WWP2: variants seen among roughly 807,000 people sequenced by gnomAD.
WWP2 encodes NEDD4-like E3 ubiquitin-protein ligase WWP2.
In WWP2, 57 loss-of-function variants were observed where a neutral mutation model predicts 121.0. That is an observed-to-expected ratio of 0.47 (90% CI 0.38 to 0.59). The LOEUF is 0.59. WWP2 is among the 20% of genes least tolerant of loss of function. WWP2 has a pLI of 0.00. For missense variants in WWP2, 962 were observed against 1,158.9 expected (o/e 0.83, Z 2.47); for synonymous variants, 449 against 441.3 (o/e 1.02, Z -0.22).
intron 4 of WWP2, among the ~76,000 whole-genome samples, chr16:69,800,403 C>T (rs1180273250): frequency 1.3e-5 from 2 of 152,162 alleles, no homozygotes; most frequent in East Asian, 1.9e-4. Flanking sequence ...GATAGCCTCA[C>T]ATTAGGATGC....
chr16:69,921,556 G>A (rs1428746308), intron 10 of WWP2, among the ~76,000 whole-genome samples: 50 of 152,136 alleles, frequency 3.3e-4, no homozygotes, highest in Non-Finnish European at 8.8e-5. Flanking sequence ...TAGTTTTTCT[G>A]CCATGTTTCC....
intron 8 of WWP2, among the ~76,000 whole-genome samples, chr16:69,896,660 T>C (rs1036870037): frequency 6.6e-6 from 1 of 151,772 alleles, no homozygotes; most frequent in African/African-American, 2.4e-5. Flanking sequence ...GAACAGTACA[T>C]AATAACAACA....
rs1339643461 is a variant in WWP2 at position 69,941,661 on chromosome 16, T to G, written c.*1721T>G. 3 of 153,802 alleles carry G rather than the reference T, an allele frequency of 2.0e-5. No homozygotes were observed. The highest frequency in any genetic ancestry group is 4.4e-5 in the Non-Finnish European group (3 of 68,062). The allele number at this position is 153,802 out of a possible 1,614,324, so 9.5% of individuals were successfully genotyped here. A position where few individuals can be genotyped will look rare whatever the true frequency, so the allele number is the denominator to read the frequency against. ...GGAATGCCCTTTGCTAGCCATGGGC[T>G]GGTCACCAGATTGTTTTGTAATGCC... is the stretch of plus-strand genomic sequence containing the variant. On this transcript the variant is annotated 3_prime_UTR_variant, in exon 24 of 24. Coordinates refer to ENST00000359154, the MANE Select transcript of WWP2 (RefSeq NM_001270454.2).
chr16:69,792,764 T>C (rs1034301248), intron 2 of WWP2, among the ~76,000 whole-genome samples: 8 of 152,182 alleles, frequency 5.3e-5, no homozygotes, highest in Admixed American at 4.6e-4. Flanking sequence ...CAATTACAGC[T>C]CACTACAGCC....
chr16:69,796,615 G>C (rs952874527), intron 2 of WWP2, among the ~76,000 whole-genome samples: 1 of 152,222 alleles, frequency 6.6e-6, no homozygotes, highest in South Asian at 2.1e-4. Flanking sequence ...CCCCTGTAAA[G>C]TCAAACGTCC....
At chr16:69,934,909 C>T (rs1404473374) in intron 17 of WWP2, among the ~76,000 whole-genome samples, 3 of 152,170 alleles carry the variant, frequency 2.0e-5, no homozygotes, top group South Asian at 2.1e-4. Context: ...GTTCACGCCA[C>T]GCTGCCTCCT....
At chr16:69,863,539 C>T (rs568136472) in intron 6 of WWP2, among the ~76,000 whole-genome samples, 207 of 152,050 alleles carry the variant, frequency 1.4e-3, no homozygotes, top group African/African-American at 4.8e-3. Flanking sequence ...CAAGGGAGGC[C>T]GAGGCAGGAG....
intron 8 of WWP2, among the ~76,000 whole-genome samples, chr16:69,897,102 T>TG (rs1567414864): frequency 6.6e-6 from 1 of 151,996 alleles, no homozygotes; most frequent in Non-Finnish European, 1.5e-5. Flanking sequence ...GTCTTTTTTT[T>TG]TTTGTTTGTG....
At chr16:69,763,106 C>T (rs2038652878) in intron 1 of WWP2, among the ~76,000 whole-genome samples, 1 of 152,190 alleles carries the variant, frequency 6.6e-6, no homozygotes, top group Non-Finnish European at 1.5e-5. Flanking sequence ...GGCACTTTGC[C>T]TGTAAAATGG....
chr16:69,823,925 C>T (rs2056637419), intron 4 of WWP2, among the ~76,000 whole-genome samples: 1 of 152,242 alleles, frequency 6.6e-6, no homozygotes, highest in Non-Finnish European at 1.5e-5. Context: ...CTCCAAGGGC[C>T]TGTGCTGTTT....
At chr16:69,818,549 T>G (rs1204046469) in intron 4 of WWP2, among the ~76,000 whole-genome samples, 2 of 152,180 alleles carry the variant, frequency 1.3e-5, no homozygotes, top group Non-Finnish European at 2.9e-5. Flanking sequence ...GTTCTGCTGC[T>G]CTGCTGCATT....
chr16:69,913,953 TC>T (rs1371382355), intron 9 of WWP2, among the ~76,000 whole-genome samples: 1 of 151,244 alleles, frequency 6.6e-6, no homozygotes, highest in Non-Finnish European at 1.5e-5. Flanking sequence ...TTGCCTATAA[TC>T]CCAGCTACTC....
Position 69,904,903 on chromosome 16 carries a change from C to T in WWP2, c.915-3858C>T, listed in dbSNP as rs565988524. The stretch of plus-strand genomic sequence containing the variant: ...AATAAGTAAGCAAGAGGCCGTTAGC[C>T]TGAAGCTGTCTCCATACTTCCAGTT... On this transcript the variant is annotated intron_variant, in intron 8 of 23. Transcript: ENST00000359154. Among the ~76,000 whole-genome samples, 12 of 152,352 alleles carry T rather than the reference C, an allele frequency of 7.9e-5. No individual in the cohort carries two copies. The South Asian group carries it at 2.3e-3, about 29-fold the overall frequency.
intron 6 of WWP2, among the ~76,000 whole-genome samples, chr16:69,846,053 A>AAAAAAAAAAAAAAAC: frequency 6.9e-6 from 1 of 145,116 alleles, no homozygotes; most frequent in Non-Finnish European, 1.5e-5. Context: ...CCATCTCAAA[A>AAAAAAAAAAAAAAAC]AAAAAAAAAA....
At chr16:69,841,410 G>A (rs1353405257) in intron 5 of WWP2, among the ~76,000 whole-genome samples, 6 of 152,144 alleles carry the variant, frequency 3.9e-5, no homozygotes, top group African/African-American at 4.8e-5. Flanking sequence ...GGAGTGTGGG[G>A]TAAAGGGGTG....
intron 7 of WWP2, among the ~76,000 whole-genome samples, chr16:69,882,054 A>C (rs1192425201): frequency 2.0e-5 from 3 of 151,978 alleles, no homozygotes; most frequent in Admixed American, 1.3e-4. Flanking sequence ...TCCTGGCTTC[A>C]AATGATCCAC....
intron 4 of WWP2, among the ~76,000 whole-genome samples, chr16:69,800,089 A>T (rs2056130092): frequency 1.3e-5 from 2 of 152,176 alleles, no homozygotes; most frequent in South Asian, 4.1e-4. Flanking sequence ...CGAGCGTGTT[A>T]CATGATTTAA....
rs1390057938 is a variant in WWP2 at position 69,857,975 on chromosome 16, T to A, written c.576-13829T>A. 2.6e-5 allele frequency among the ~76,000 whole-genome samples: 4 copies of A among 152,112 alleles called. No individual in the cohort carries two copies. The East Asian group carries it at 7.7e-4, about 29-fold the overall frequency. On this transcript the variant is annotated intron_variant, in intron 6 of 23. Transcript: ENST00000359154. Reference sequence around the variant, plus strand: ...ACAGTACAACTCTATAACGACAAAATGACACAAAGAAAATTTAATGAAATT... The same window carrying A: ...ACAGTACAACTCTATAACGACAAAAAGACACAAAGAAAATTTAATGAAATT...
chr16:69,872,075 A>T (rs1319979749), intron 7 of WWP2, 144 bp downstream of exon 7: 5 of 1,302,642 alleles, frequency 3.8e-6, no homozygotes, highest in Non-Finnish European at 5.1e-6. Flanking sequence ...TGAATCCATC[A>T]GTCTTTCTAC....
Sources: allele counts gnomAD v4.1 joint callset (sites outside exome capture counted in the v4.1 genomes callset), GRCh38; gene constraint gnomAD v4.1.1; transcripts MANE v1.5; gene names NCBI Gene and HGNC (gene_info 2026-07-23, HGNC 2026-07-21).